The following SLC43A2 variants were observed in gnomAD, a reference collection of about 807,000 sequenced individuals.
SLC43A2 encodes the protein large neutral amino acids transporter small subunit 4.
A neutral mutation model predicts 63.2 loss-of-function variants in SLC43A2; 38 were observed. That is an observed-to-expected ratio of 0.60 (90% CI 0.46 to 0.79). The LOEUF (loss-of-function observed/expected upper bound fraction) is 0.79, where lower values mean the gene tolerates loss of function less well. Ranked by LOEUF, SLC43A2 falls within the 30% of genes least tolerant of loss-of-function variation. The pLI is 0.00. For missense variants in SLC43A2, 644 were observed against 756.2 expected (o/e 0.85, Z 1.74); for synonymous variants, 322 against 331.0 (o/e 0.97, Z 0.30).
In SLC43A2 at chr17:1,622,207, A is replaced by C. The variant is rs1383943608; in HGVS notation, c.161-5438T>G. ...TTGCTATGGAATTTTTAAAATTCCA[A>C]ATAAACTGGGGGAAAAGTTTAAAAG... On this transcript the variant is annotated intron_variant, in intron 2 of 13. Transcript: ENST00000301335. Among the ~76,000 whole-genome samples, 4 of 152,382 alleles carry C rather than the reference A, an allele frequency of 2.6e-5. No homozygotes were observed. In the East Asian group the frequency reaches 7.7e-4, roughly 29 times the overall value.
upstream of SLC43A2, among the ~76,000 whole-genome samples, chr17:1,629,187 A>G (rs1908971022): frequency 3.3e-5 from 5 of 151,294 alleles, no homozygotes; most frequent in Admixed American, 3.3e-4. Context: ...TCCCCCCAGA[A>G]GCCGCCGGGC....
chr17:1,591,739 G>GGGGGGCC, intron 6 of SLC43A2, 40 bp from the exon 7 acceptor site: 2 of 512,294 alleles, frequency 3.9e-6, no homozygotes, highest in Non-Finnish European at 3.9e-6. Flanking sequence ...GGGGGAGGGG[G>GGGGGGCC]CAGAGTTAGC....
chr17:1,627,901 C>A lies in SLC43A2; in HGVS notation c.-27G>T. On this transcript the variant is annotated 5_prime_UTR_variant, in exon 2 of 14. Transcript: ENST00000301335. ...GTGCGGCGCGGCGCGGCTCCGGCTC[C>A]GGCTCCGGCTCTGCACCACCTGCGC... The A allele has an allele frequency of 1.3e-6, 2 of 1,531,964 alleles. No individual in the cohort carries two copies. Among genetic ancestry groups the A allele is most frequent in the Non-Finnish European group, 1.8e-6 (2 of 1,139,792 alleles). 94.9% of individuals were successfully genotyped at this position (1,531,964 alleles called of 1,614,324 possible).
chr17:1,603,399 T>C (rs1906264477), intron 5 of SLC43A2, among the ~76,000 whole-genome samples: 1 of 151,896 alleles, frequency 6.6e-6, no homozygotes, highest in South Asian at 2.1e-4. Context: ...TCATGTTCTC[T>C]TCAGAGAGGT....
At position 1,591,548 on chromosome 17, in the gene SLC43A2, G is replaced by A. The variant is rs201123914; in HGVS notation, c.728+18C>T. 2.4e-5 allele frequency: 37 copies of A among 1,562,068 alleles called. No homozygotes were observed. Among genetic ancestry groups the A allele is most frequent in the East Asian group, 1.9e-4 (8 of 42,120 alleles). ...GGCGGGGGCTGGGGGCAGGCGGGAC[G>A]GGGGCACCTCTACTTACGAGTAGTC... On this transcript the variant is annotated intron_variant, in intron 7 of 13. Transcript: ENST00000301335.
chr17:1,601,664 A>C (rs1381791516), intron 5 of SLC43A2, among the ~76,000 whole-genome samples: 1 of 142,556 alleles, frequency 7.0e-6, no homozygotes, highest in Non-Finnish European at 1.5e-5. Flanking sequence ...GGTCCAAACC[A>C]ATGCAAAGGC....
rs1195808725 is a variant in SLC43A2 at position 1,570,897 on chromosome 17, A to G, written c.*4707T>C. On this transcript the variant is annotated 3_prime_UTR_variant, in exon 14 of 14. Coordinates refer to ENST00000301335, the MANE Select transcript of SLC43A2 (RefSeq NM_152346.3). ...CCTCCCTTTTGCAGATGATGGCACC[A>G]AAGTTCAAGACTCGCCCAGGGCCAC... 6.6e-6 allele frequency: 1 copy of G among 152,322 alleles called. No homozygotes were observed. Among genetic ancestry groups the G allele is most frequent in the Non-Finnish European group, 1.5e-5 (1 of 68,138 alleles). The allele number at this position is 152,322 out of a possible 1,614,324, so 9.4% of individuals were successfully genotyped here.
At chr17:1,584,159 C>A (rs1025314446) in intron 10 of SLC43A2, among the ~76,000 whole-genome samples, 1 of 152,072 alleles carries the variant, frequency 6.6e-6, no homozygotes, top group Non-Finnish European at 1.5e-5. Flanking sequence ...TCCCAAAGTG[C>A]TGGGATTACA....
chr17:1,586,973 A>G (rs2076112733), intron 9 of SLC43A2: 2 of 1,529,170 alleles, frequency 1.3e-6, no homozygotes, highest in African/African-American at 2.8e-5. Context: ...GCATCAAGAA[A>G]GCAAAAGTGA....
intron 1 of SLC43A2, 37 bp from the exon 2 acceptor site, chr17:1,627,957 C>G: frequency 7.5e-7 from 1 of 1,330,598 alleles, no homozygotes; most frequent in East Asian, 3.1e-5. Flanking sequence ...CCGGCCCTTG[C>G]CCAGCCCCTG....
chr17:1,591,932 G>A (rs994714791), intron 6 of SLC43A2, among the ~76,000 whole-genome samples: 6 of 152,174 alleles, frequency 3.9e-5, no homozygotes, highest in East Asian at 1.9e-4. Context: ...TTAGCCCCCC[G>A]ACTCGGAGGC....
Position 1,573,249 on chromosome 17 carries a change from A to C in SLC43A2, c.*2355T>G, listed in dbSNP as rs2075873388. 1 of 151,440 alleles carries C rather than the reference A, an allele frequency of 6.6e-6. No homozygotes were observed. The highest frequency in any genetic ancestry group is 1.5e-5 in the Non-Finnish European group (1 of 68,008). The allele number at this position is 151,440 out of a possible 1,614,324, so 9.4% of individuals were successfully genotyped here. A position where few individuals can be genotyped will look rare whatever the true frequency, so the allele number is the denominator to read the frequency against. On this transcript the variant is annotated 3_prime_UTR_variant, in exon 14 of 14. Transcript: ENST00000301335. ...ACCCTGGCTAGTTAGGGTTTCTCCG[A>C]ATCTGCAACTCCTGTGTGATGGCGG...
At chr17:1,582,539 C>T (rs545550534) in intron 11 of SLC43A2, among the ~76,000 whole-genome samples, 28 of 152,104 alleles carry the variant, frequency 1.8e-4, no homozygotes, top group Non-Finnish European at 3.7e-4. Flanking sequence ...CTGCTTGAGC[C>T]GATACAAAAC....
chr17:1,583,964 C>T lies in SLC43A2; in HGVS notation c.1218-628G>A, dbSNP rs548803632. ...GGGCTGGAGTGCAGTGGTGTGATCT[C>T]GGCTCATTGCCACCTCTGCCTCCTG... is the stretch of plus-strand genomic sequence containing the variant. On this transcript the variant is annotated intron_variant, in intron 10 of 13. Coordinates refer to ENST00000301335, the MANE Select transcript of SLC43A2 (RefSeq NM_152346.3). This position sits in a 1 kb window ranked among gnomAD's most constrained non-coding sequence, Gnocchi z 5.5. Among the ~76,000 whole-genome samples, 21 of 151,308 alleles carry T rather than the reference C, an allele frequency of 1.4e-4. No individual in the cohort carries two copies. The highest frequency in any genetic ancestry group is 2.8e-4 in the Non-Finnish European group (19 of 67,798).
chr17:1,591,739 G>GCTGGGGC, intron 6 of SLC43A2, 40 bp from the exon 7 acceptor site: 1 of 512,306 alleles, frequency 2.0e-6, no homozygotes, highest in Non-Finnish European at 3.9e-6. Flanking sequence ...GGGGGAGGGG[G>GCTGGGGC]CAGAGTTAGC....
At chr17:1,585,681 C>G in intron 10 of SLC43A2, 1 of 1,461,934 alleles carries the variant, frequency 6.8e-7, no homozygotes. Context: ...AGTCACCGCA[C>G]CTGGCCTCAA....
In SLC43A2 at chr17:1,578,380, C is replaced by T; in HGVS notation, c.1351-57G>A. ...GGCCTTAAGGGACCGTCCCCTCAGC[C>T]CCCGCCCTCCAATTCCTGGGGGCCC... is the stretch of plus-strand genomic sequence containing the variant. On this transcript the variant is annotated intron_variant, in intron 11 of 13. Coordinates refer to ENST00000301335, the MANE Select transcript of SLC43A2 (RefSeq NM_152346.3). This position sits in a 1 kb window ranked among gnomAD's most constrained non-coding sequence, Gnocchi z 6.5. 1.3e-6 allele frequency: 2 copies of T among 1,545,594 alleles called. No individual in the cohort carries two copies. Among genetic ancestry groups the T allele is most frequent in the Non-Finnish European group, 1.8e-6 (2 of 1,130,382 alleles).
chr17:1,604,794 T>A (rs979192662), intron 5 of SLC43A2: 9 of 1,535,788 alleles, frequency 5.9e-6, no homozygotes, highest in Non-Finnish European at 7.0e-6. Flanking sequence ...CAGCATCGGA[T>A]GGGCTTGCAT....
intron 13 of SLC43A2, 88 bp downstream of exon 13, chr17:1,576,509 C>G: frequency 7.0e-7 from 1 of 1,421,564 alleles, no homozygotes; most frequent in South Asian, 1.3e-5. Context: ...GTCCTCGGGG[C>G]CCTGAAGCCC....
Sources: allele counts gnomAD v4.1 joint callset (sites outside exome capture counted in the v4.1 genomes callset), GRCh38; gene constraint gnomAD v4.1.1; non-coding constraint Gnocchi (gnomAD v3.1); transcripts MANE v1.5; gene names NCBI Gene and HGNC (gene_info 2026-07-23, HGNC 2026-07-21).